Variants in DHRSX observed in about 807,000 individuals in gnomAD.
DHRSX encodes the protein dehydrogenase/reductase X-linked, also known as polyprenol dehydrogenase.
DHRSX carries 31 observed loss-of-function variants against 34.0 expected under a neutral mutation model. That is an observed-to-expected ratio of 0.91 (90% CI 0.69 to 1.23). The LOEUF (loss-of-function observed/expected upper bound fraction) is 1.23, where lower values mean the gene tolerates loss of function less well. DHRSX is among the 50% of genes most tolerant of loss of function. The pLI is 0.00. For missense variants in DHRSX, 414 were observed against 428.1 expected (o/e 0.97, Z 0.29); for synonymous variants, 201 against 183.8 (o/e 1.09, Z -0.76).
At chrX:2,345,736 A>C (rs960819249) in intron 3 of DHRSX, among the ~76,000 whole-genome samples, 1 of 152,006 alleles carries the variant, frequency 6.6e-6, no homozygotes, top group Non-Finnish European at 1.5e-5. Context: ...GGCCTGGTCC[A>C]ATCAGTTGAA....
chrX:2,458,593 T>A (rs181900088), intron 1 of DHRSX, among the ~76,000 whole-genome samples: 98 of 152,188 alleles, frequency 6.4e-4, no homozygotes, highest in Non-Finnish European at 1.2e-3. Context: ...GAGACAAATA[T>A]CGTATCATCT....
chrX:2,224,899 GCACACA>G (rs67258869), intron 6 of DHRSX, among the ~76,000 whole-genome samples: 2 of 145,100 alleles, frequency 1.4e-5, no homozygotes, highest in African/African-American at 5.1e-5. Flanking sequence ...GCTCACACTC[GCACACA>G]CACACGTACA....
chrX:2,275,343 CAAAAAA>C (rs768710073), intron 4 of DHRSX, among the ~76,000 whole-genome samples: 1 of 127,318 alleles, frequency 7.9e-6, no homozygotes, highest in Non-Finnish European at 1.7e-5. Flanking sequence ...ACTAAAAATA[CAAAAAA>C]AAAAAAAAAA....
intron 5 of DHRSX, 25 bp from the exon 6 acceptor site, chrX:2,243,255 T>C (rs772146234): frequency 1.2e-6 from 2 of 1,606,938 alleles, no homozygotes; most frequent in Non-Finnish European, 1.7e-6. Flanking sequence ...GGAGAAGGTG[T>C]AAGAGGCTGA....
At chrX:2,244,053 G>C (rs1405771378) in intron 5 of DHRSX, among the ~76,000 whole-genome samples, 1 of 151,974 alleles carries the variant, frequency 6.6e-6, no homozygotes, top group Non-Finnish European at 1.5e-5. Flanking sequence ...TGACAGGCAT[G>C]AGCCACCGCG....
At chrX:2,240,945 C>T (rs902571542) in intron 6 of DHRSX, among the ~76,000 whole-genome samples, 2 of 151,968 alleles carry the variant, frequency 1.3e-5, no homozygotes, top group Non-Finnish European at 2.9e-5. Flanking sequence ...TTCGGGAGAC[C>T]GAGGCGGGCA....
At chrX:2,243,809 T>TTTTG (rs1556430396) in intron 5 of DHRSX, among the ~76,000 whole-genome samples, 36 of 104,466 alleles carry the variant, frequency 3.4e-4, no homozygotes, top group East Asian at 1.5e-3. Flanking sequence ...TTTTTTTTTT[T>TTTTG]TTTTTTTTTT....
intron 3 of DHRSX, among the ~76,000 whole-genome samples, chrX:2,300,129 C>A (rs1411011740): frequency 6.6e-6 from 1 of 152,146 alleles, no homozygotes; most frequent in African/African-American, 2.4e-5. Context: ...ACTGTACCTC[C>A]CTAAAAAATC....
At chrX:2,500,019 T>C (rs2045376744) in intron 1 of DHRSX, among the ~76,000 whole-genome samples, 1 of 152,142 alleles carries the variant, frequency 6.6e-6, no homozygotes, top group Non-Finnish European at 1.5e-5. Flanking sequence ...CTCTACTTCC[T>C]ATTACAAAAA....
intron 1 of DHRSX, among the ~76,000 whole-genome samples, chrX:2,425,634 G>C (rs2043836189): frequency 6.6e-6 from 1 of 152,182 alleles, no homozygotes; most frequent in Non-Finnish European, 1.5e-5. Context: ...AAGAATCCTG[G>C]AATAACCTCT....
chrX:2,358,126 G>C (rs762738794), intron 3 of DHRSX, among the ~76,000 whole-genome samples: 53 of 152,286 alleles, frequency 3.5e-4, no homozygotes, highest in African/African-American at 1.3e-3. Flanking sequence ...ACTCAGTTGA[G>C]AAACGGAGTT....
At chrX:2,495,279 TATC>T (rs2124129290) in intron 1 of DHRSX, among the ~76,000 whole-genome samples, 1 of 151,762 alleles carries the variant, frequency 6.6e-6, no homozygotes, top group Admixed American at 6.6e-5. Flanking sequence ...TTATCATTAT[TATC>T]ATTATTCCTA....
intron 3 of DHRSX, among the ~76,000 whole-genome samples, chrX:2,308,889 G>GAAGA: frequency 7.1e-6 from 1 of 139,862 alleles, no homozygotes; most frequent in Non-Finnish European, 1.6e-5. Context: ...TGGAAACGGG[G>GAAGA]AAGGAAGGAA....
At chrX:2,289,690 C>T (rs2041844627) in intron 4 of DHRSX, among the ~76,000 whole-genome samples, 1 of 152,124 alleles carries the variant, frequency 6.6e-6, no homozygotes, top group African/African-American at 2.4e-5. Flanking sequence ...CATTTGGTGA[C>T]TTATAATGCT....
intron 3 of DHRSX, among the ~76,000 whole-genome samples, chrX:2,311,947 T>A (rs1374684916): frequency 6.6e-6 from 1 of 152,134 alleles, no homozygotes; most frequent in East Asian, 1.9e-4. Flanking sequence ...AAGAAGCTGT[T>A]TCCCACTGTG....
chrX:2,391,858 T>A (rs955626647), intron 3 of DHRSX, among the ~76,000 whole-genome samples: 2 of 151,336 alleles, frequency 1.3e-5, no homozygotes, highest in African/African-American at 4.9e-5. Context: ...ATCCAGGAGG[T>A]GAAGGTTGCA....
At chrX:2,311,195 T>G (rs1365692481) in intron 3 of DHRSX, among the ~76,000 whole-genome samples, 1 of 148,640 alleles carries the variant, frequency 6.7e-6, no homozygotes, top group Non-Finnish European at 1.5e-5. Flanking sequence ...AGGAATAGAA[T>G]GAGAGAGACA....
chrX:2,451,505 G>A (rs954097613), intron 1 of DHRSX, among the ~76,000 whole-genome samples: 1 of 152,194 alleles, frequency 6.6e-6, no homozygotes, highest in Non-Finnish European at 1.5e-5. Context: ...TGAAGCCTTG[G>A]CTGTGATTCA....
intron 3 of DHRSX, among the ~76,000 whole-genome samples, chrX:2,339,713 G>T (rs1223342272): frequency 1.3e-5 from 2 of 151,978 alleles, no homozygotes; most frequent in African/African-American, 4.8e-5. Flanking sequence ...CCTTTTTTAT[G>T]GCTGCATAGT....
Sources: gnomAD v4.1 joint callset for allele counts (sites outside exome capture counted in the v4.1 genomes callset) on GRCh38, gnomAD v4.1.1 for gene constraint, MANE v1.5 for transcripts, NCBI Gene and HGNC (gene_info 2026-07-23, HGNC 2026-07-21) for gene names.